The following UNC13C variants were observed in gnomAD, a reference collection of about 807,000 sequenced individuals.
The protein encoded by UNC13C is unc-13 homolog C, also known as protein unc-13 homolog C.
In UNC13C, 174 loss-of-function variants were observed where a neutral mutation model predicts 245.4. The observed-to-expected ratio is 0.71, with a 90% CI of 0.63 to 0.80. The LOEUF (loss-of-function observed/expected upper bound fraction) is 0.80. Ranked by LOEUF, UNC13C falls within the 30% of genes least tolerant of loss-of-function variation. UNC13C has a pLI of 0.00. For synonymous variants in UNC13C, 992 were observed against 895.1 expected, an observed-to-expected ratio of 1.11 and a Z score of -1.93; for missense variants, 2,829 against 2,602.9, an observed-to-expected ratio of 1.09 and a Z score of -1.89.
At chr15:54,625,438 G>A (rs1901072687) in intron 32 of UNC13C, among the ~76,000 whole-genome samples, 1 of 152,080 alleles carries the variant, frequency 6.6e-6, no homozygotes, top group African/African-American at 2.4e-5. Context: ...GAGGAGTTGG[G>A]AAGATAGCAA....
Position 54,080,006 on chromosome 15 carries a change from G to GT in UNC13C, c.2984-62997dup, listed in dbSNP as rs3985784. On this transcript the variant is annotated intron_variant, in intron 2 of 32. Transcript: ENST00000260323. ...CCTTCAAGGCCTGGTTTGTCGAGCG[G>GT]TTTTTTTTTTTTTTTATCATAAAGT... Among the ~76,000 whole-genome samples the GT allele has an allele frequency of 5.1e-3, 660 of 129,912 alleles. 5 individuals are homozygous for GT. The highest frequency in any genetic ancestry group is 0.012 in the South Asian group (53 of 4,254). 85.2% of individuals were successfully genotyped at this position (129,912 alleles called of 152,430 possible). A position where few individuals can be genotyped will look rare whatever the true frequency, so the allele number is the denominator to read the frequency against.
intron 2 of UNC13C, among the ~76,000 whole-genome samples, chr15:54,068,719 A>C (rs1022608555): frequency 8.5e-5 from 13 of 152,222 alleles, no homozygotes; most frequent in Admixed American, 7.2e-4. Flanking sequence ...CAAAAAGCAT[A>C]AGCTGCACAA....
chr15:54,606,968 G>T (rs993218268), intron 30 of UNC13C, among the ~76,000 whole-genome samples: 2 of 152,126 alleles, frequency 1.3e-5, no homozygotes. Flanking sequence ...AGCTTTAAAT[G>T]AATTATACAC....
intron 2 of UNC13C, among the ~76,000 whole-genome samples, chr15:54,099,928 C>T (rs1223378774): frequency 6.6e-6 from 1 of 151,838 alleles, no homozygotes; most frequent in East Asian, 1.9e-4. Flanking sequence ...AACCCTGTCT[C>T]CACTAAATAT....
Position 54,312,394 on chromosome 15 carries a change from T to C in UNC13C, c.4269-9545T>C, listed in dbSNP as rs1042909050. Among the ~76,000 whole-genome samples, 9 of 151,924 alleles carry C rather than the reference T, an allele frequency of 5.9e-5. No individual in the cohort carries two copies. The East Asian group carries it at 1.7e-3, about 30-fold the overall frequency. On this transcript the variant is annotated intron_variant, in intron 13 of 32. Transcript: ENST00000260323. ...TTTCCACTTTCTGCCATTTCTTTATTCAAATGAAGCACTCTTTTAGACTGG... is the reference window on the plus strand; with the variant it reads ...TTTCCACTTTCTGCCATTTCTTTATCCAAATGAAGCACTCTTTTAGACTGG...
chr15:54,174,350 G>A (rs915247684), intron 4 of UNC13C, among the ~76,000 whole-genome samples: 1 of 152,066 alleles, frequency 6.6e-6, no homozygotes, highest in African/African-American at 2.4e-5. Flanking sequence ...TCTTCTTCAG[G>A]AATACGGGTT....
In UNC13C at chr15:54,524,428, G is replaced by C. The variant is rs575832124; in HGVS notation, c.5458-1121G>C. Among the ~76,000 whole-genome samples, 16 of 152,292 alleles carry C rather than the reference G, an allele frequency of 1.1e-4. No homozygotes were observed. The South Asian group carries it at 3.3e-3, about 32-fold the overall frequency. On this transcript the variant is annotated intron_variant, in intron 24 of 32. Transcript: ENST00000260323. Reference sequence around the variant, plus strand: ...AGTTAGGCGGACTTGAGTTAAAACTGATATAAAGGATTGGTTTGATATAAT... The same window carrying C: ...AGTTAGGCGGACTTGAGTTAAAACTCATATAAAGGATTGGTTTGATATAAT...
intron 2 of UNC13C, among the ~76,000 whole-genome samples, chr15:54,029,589 T>A (rs1896270032): frequency 2.0e-5 from 3 of 152,204 alleles, no homozygotes; most frequent in Non-Finnish European, 2.9e-5. Context: ...AATAACTGGA[T>A]AATTAATGAC....
chr15:53,942,435 C>T, the UNC13C span, among the ~76,000 whole-genome samples: 3 of 151,994 alleles, frequency 2.0e-5, no homozygotes, highest in African/African-American at 7.2e-5. Context: ...TCAGGAAGAA[C>T]AGCTAATGGA....
chr15:54,227,937 A>G (rs118130819), intron 4 of UNC13C, among the ~76,000 whole-genome samples: 1 of 152,178 alleles, frequency 6.6e-6, no homozygotes, highest in Admixed American at 6.5e-5. Flanking sequence ...TCCCTTCAGG[A>G]TAGTGAGTTC....
intron 18 of UNC13C, among the ~76,000 whole-genome samples, chr15:54,398,366 G>A (rs1449032657): frequency 6.6e-6 from 1 of 150,980 alleles, no homozygotes; most frequent in African/African-American, 2.4e-5. Context: ...ATTTTGTTAA[G>A]TATTTTTGCC....
At chr15:54,288,589 G>A (rs1358290137) in intron 10 of UNC13C, among the ~76,000 whole-genome samples, 1 of 151,780 alleles carries the variant, frequency 6.6e-6, no homozygotes, top group Non-Finnish European at 1.5e-5. Context: ...ATTGGCTAAA[G>A]TCCATCTCTA....
At chr15:54,057,364 A>C (rs1311246964) in intron 2 of UNC13C, among the ~76,000 whole-genome samples, 1 of 151,450 alleles carries the variant, frequency 6.6e-6, no homozygotes, top group Admixed American at 6.6e-5. Flanking sequence ...GAGACAAAGA[A>C]GGCCATTACA....
chr15:54,220,841 C>G (rs1161896902), intron 4 of UNC13C, among the ~76,000 whole-genome samples: 1 of 151,864 alleles, frequency 6.6e-6, no homozygotes, highest in Admixed American at 6.6e-5. Context: ...GCTTGTTTGC[C>G]TGTTTTGGTG....
chr15:54,263,600 G>A (rs12916984), intron 8 of UNC13C, among the ~76,000 whole-genome samples: 64,320 of 151,878 alleles, frequency 0.42, 14,180 homozygotes, highest in African/African-American at 0.53. Context: ...AAGAGAGTTC[G>A]AGTCGGTGTT....
At chr15:54,545,319 A>AT in intron 26 of UNC13C, among the ~76,000 whole-genome samples, 1 of 152,194 alleles carries the variant, frequency 6.6e-6, no homozygotes, top group Admixed American at 6.5e-5. Flanking sequence ...AAAGACTTAA[A>AT]CCTAAGACCT....
At chr15:54,068,520 G>C (rs1898173368) in intron 2 of UNC13C, among the ~76,000 whole-genome samples, 1 of 152,172 alleles carries the variant, frequency 6.6e-6, no homozygotes, top group Non-Finnish European at 1.5e-5. Context: ...CAATGGCAAA[G>C]TTGAGTGGTT....
At chr15:54,318,155 T>C (rs1254361762) in intron 13 of UNC13C, among the ~76,000 whole-genome samples, 1 of 152,014 alleles carries the variant, frequency 6.6e-6, no homozygotes, top group Non-Finnish European at 1.5e-5. Context: ...AGGTTGATTC[T>C]ATTCCTTGGC....
chr15:54,399,815 G>A (rs749869706), intron 18 of UNC13C, among the ~76,000 whole-genome samples: 6 of 151,902 alleles, frequency 3.9e-5, no homozygotes, highest in Non-Finnish European at 5.9e-5. Flanking sequence ...AGGTTTAAGC[G>A]ACTTTGATCA....
Sources: allele counts gnomAD v4.1 joint callset (sites outside exome capture counted in the v4.1 genomes callset), GRCh38; gene constraint gnomAD v4.1.1; transcripts MANE v1.5; gene names NCBI Gene and HGNC (gene_info 2026-07-23, HGNC 2026-07-21).